The following VPS53 variants were observed in gnomAD, a reference collection of about 807,000 sequenced individuals.
The protein encoded by VPS53 is vacuolar protein sorting-associated protein 53 homolog.
VPS53 carries 70 observed loss-of-function variants against 107.0 expected under a neutral mutation model. That is an observed-to-expected ratio of 0.65 (90% confidence interval 0.54 to 0.80). The LOEUF is 0.80. Ranked by LOEUF, VPS53 falls within the 30% of genes least tolerant of loss-of-function variation. The probability of loss-of-function intolerance (pLI) is 0.00; values close to 1 mark genes in which losing one functional copy is unlikely to be tolerated. For missense variants in VPS53, 917 were observed against 1,049.4 expected (o/e 0.87, Z 1.74); for synonymous variants, 409 against 393.3 (o/e 1.04, Z -0.47).
At chr17:630,296 A>AAAAC (rs201078598) in intron 8 of VPS53, among the ~76,000 whole-genome samples, 258 of 152,116 alleles carry the variant, frequency 1.7e-3, no homozygotes, top group African/African-American at 6.0e-3. Context: ...CGTCAAAAAA[A>AAAAC]AAACAAACAA....
intron 1 of VPS53, among the ~76,000 whole-genome samples, chr17:712,370 G>A (rs190002920): frequency 1.3e-5 from 2 of 150,492 alleles, no homozygotes; most frequent in East Asian, 2.0e-4. Context: ...TAGGAGAGAC[G>A]GGGTTTCACC....
At chr17:572,344 C>T (rs902075080) in intron 13 of VPS53, among the ~76,000 whole-genome samples, 2 of 150,824 alleles carry the variant, frequency 1.3e-5, no homozygotes, top group African/African-American at 4.9e-5. Flanking sequence ...CCCCTCCGCC[C>T]GGCAGCCGCC....
At chr17:570,275 CAGG>C (rs1365912979) in intron 13 of VPS53, among the ~76,000 whole-genome samples, 2 of 145,108 alleles carry the variant, frequency 1.4e-5, no homozygotes, top group Non-Finnish European at 3.0e-5. Flanking sequence ...GAGGCTGAGG[CAGG>C]AGAATTGCTT....
chr17:549,517 G>A (rs867736992), intron 17 of VPS53, among the ~76,000 whole-genome samples: 25 of 152,004 alleles, frequency 1.6e-4, no homozygotes, highest in Admixed American at 3.3e-4. Context: ...GAAATCCACC[G>A]AACGAACCGA....
intron 18 of VPS53, among the ~76,000 whole-genome samples, chr17:535,857 G>GTCCTGAGGGGT (rs1910018540): frequency 6.6e-6 from 1 of 152,152 alleles, no homozygotes; most frequent in South Asian, 2.1e-4. Context: ...ATAATTGTTA[G>GTCCTGAGGGGT]TCCTGAGGGG....
At chr17:675,550 G>A (rs1027114867) in intron 4 of VPS53, 1 of 152,088 alleles carries the variant, frequency 6.6e-6, no homozygotes, top group African/African-American at 2.4e-5. Context: ...GAGGCGGGCG[G>A]ATCACCTCAG....
intron 7 of VPS53, among the ~76,000 whole-genome samples, chr17:643,364 C>T (rs142634944): frequency 2.1e-5 from 3 of 141,806 alleles, no homozygotes; most frequent in East Asian, 2.2e-4. Context: ...TACTTGGAAA[C>T]CGAGGACAAC....
intron 11 of VPS53, among the ~76,000 whole-genome samples, chr17:619,493 C>G (rs1016089428): frequency 5.3e-5 from 7 of 132,502 alleles, no homozygotes; most frequent in Non-Finnish European, 1.1e-4. Flanking sequence ...GCTTATATTT[C>G]CCGGATAGCT....
chr17:613,025 C>T (rs1968966323), intron 11 of VPS53, among the ~76,000 whole-genome samples: 1 of 149,322 alleles, frequency 6.7e-6, no homozygotes, highest in African/African-American at 2.5e-5. Flanking sequence ...CAGATATTCA[C>T]AGCAGTATTC....
chr17:616,084 C>T (rs906742383), intron 11 of VPS53: 1 of 152,274 alleles, frequency 6.6e-6, no homozygotes, highest in African/African-American at 2.4e-5. Flanking sequence ...CCTCAAGGCC[C>T]GTCCCACCTG....
chr17:655,925 T>C lies in VPS53; in HGVS notation c.401A>G (p.Gln134Arg). ...CAGGTGGCGTTTGGCGTGATCTAATTGCTTAATATCACGGGTGATTTCTTT... is the reference window on the plus strand; with the variant it reads ...CAGGTGGCGTTTGGCGTGATCTAATCGCTTAATATCACGGGTGATTTCTTT... ...MVKEITRDIK[Q>R]LDHAKRHLTT... Residue 134 changes from glutamine (Q) to arginine (R), a missense_variant, in exon 6 of 22, where the codon CAA becomes CGA. By Grantham distance (43) the Gln-to-Arg change is conservative. Coordinates refer to ENST00000437048, the MANE Select transcript of VPS53 (RefSeq NM_001128159.3). 1.2e-6 allele frequency: 2 copies of C among 1,614,068 alleles called. No homozygotes were observed. The highest frequency in any genetic ancestry group is 1.7e-6 in the Non-Finnish European group (2 of 1,179,968).
chr17:684,952 C>A (rs1346198343), intron 4 of VPS53: 3 of 152,044 alleles, frequency 2.0e-5, no homozygotes, highest in African/African-American at 7.3e-5. Context: ...CGCGCCACTG[C>A]ACTCCAGCCT....
intron 7 of VPS53, among the ~76,000 whole-genome samples, chr17:644,173 T>A (rs1402130747): frequency 6.6e-6 from 1 of 152,234 alleles, no homozygotes; most frequent in East Asian, 1.9e-4. Flanking sequence ...CAATGCTACA[T>A]TAAGCATGGA....
intron 16 of VPS53, 45 bp from the exon 17 acceptor site, chr17:551,995 C>T: frequency 1.3e-6 from 2 of 1,508,264 alleles, no homozygotes; most frequent in South Asian, 2.4e-5. Flanking sequence ...CAAACAACGG[C>T]CGTCTGAATG....
rs934960210 is a variant in VPS53 at position 692,675 on chromosome 17, G to A, written c.285+4743C>T. 3.5e-4 allele frequency among the ~76,000 whole-genome samples: 53 copies of A among 152,214 alleles called. 1 individual carries two copies. Among genetic ancestry groups the A allele is most frequent in the Non-Finnish European group, 1.0e-4 (7 of 68,032 alleles). ...AAATGTCATTTAAGACACCATGAAT[G>A]TGAAGTCAACACTTTCCCCTTATTT... On this transcript the variant is annotated intron_variant, in intron 4 of 21. Coordinates refer to ENST00000437048, the MANE Select transcript of VPS53 (RefSeq NM_001128159.3).
chr17:712,469 G>A (rs961332390), intron 1 of VPS53, among the ~76,000 whole-genome samples: 14 of 151,944 alleles, frequency 9.2e-5, no homozygotes, highest in African/African-American at 2.7e-4. Flanking sequence ...GTGAGCCACC[G>A]AGCCCAGCCA....
At chr17:615,812 C>A (rs1362895519) in intron 11 of VPS53, among the ~76,000 whole-genome samples, 1 of 152,158 alleles carries the variant, frequency 6.6e-6, no homozygotes, top group East Asian at 1.9e-4. Flanking sequence ...AGGCAGGGTA[C>A]CCAGCAGCTA....
intron 4 of VPS53, among the ~76,000 whole-genome samples, chr17:688,558 A>C (rs761309568): frequency 6.6e-6 from 1 of 152,194 alleles, no homozygotes; most frequent in Non-Finnish European, 1.5e-5. Flanking sequence ...TACATTGTTA[A>C]ACAGTTAACG....
chr17:527,904 A>T (rs1468281597), intron 19 of VPS53, among the ~76,000 whole-genome samples: 2 of 152,150 alleles, frequency 1.3e-5, no homozygotes, highest in African/African-American at 4.8e-5. Context: ...AAGCCATCGC[A>T]CTTGGCCAAA....
Sources: allele counts gnomAD v4.1 joint callset (sites outside exome capture counted in the v4.1 genomes callset), GRCh38; gene constraint gnomAD v4.1.1; transcripts MANE v1.5; gene names NCBI Gene and HGNC (gene_info 2026-07-23, HGNC 2026-07-21).